CAMKK2: variants seen among roughly 807,000 people sequenced by gnomAD.
CAMKK2 encodes the protein calcium/calmodulin-dependent protein kinase kinase 2.
A neutral mutation model predicts 67.2 loss-of-function variants in CAMKK2; 30 were observed. That is an observed-to-expected ratio of 0.45 (90% CI 0.33 to 0.61). The LOEUF (loss-of-function observed/expected upper bound fraction) is 0.61. CAMKK2 is among the 20% of genes least tolerant of loss of function. CAMKK2 has a pLI of 0.02. For missense variants in CAMKK2, 643 were observed against 802.0 expected, an observed-to-expected ratio of 0.80 and a Z score of 2.39; for synonymous variants, 322 against 326.2, an observed-to-expected ratio of 0.99 and a Z score of 0.14.
chr12:121,255,501 G>A, intron 9 of CAMKK2, 49 bp downstream of exon 9: 1 of 1,496,858 alleles, frequency 6.7e-7, no homozygotes, highest in Non-Finnish European at 9.2e-7. Context: ...CCCACGCTCA[G>A]AATGCTAACT....
chr12:121,289,850 G>GCTA (rs541924097), intron 1 of CAMKK2, among the ~76,000 whole-genome samples: 2 of 148,708 alleles, frequency 1.3e-5, no homozygotes, highest in African/African-American at 5.1e-5. Flanking sequence ...CTGAGATCAT[G>GCTA]CTACTGCACT....
intron 1 of CAMKK2, among the ~76,000 whole-genome samples, chr12:121,284,732 AT>A (rs1282835637): frequency 1.3e-5 from 2 of 152,176 alleles, no homozygotes; most frequent in South Asian, 2.1e-4. Flanking sequence ...CTAACAAGGG[AT>A]TTGGGCAGGC....
chr12:121,242,194 G>A (rs1218834839), intron 16 of CAMKK2, among the ~76,000 whole-genome samples: 1 of 152,006 alleles, frequency 6.6e-6, no homozygotes, highest in Non-Finnish European at 1.5e-5. Flanking sequence ...AATTAGCTGG[G>A]CATGGTGGCA....
intron 1 of CAMKK2, among the ~76,000 whole-genome samples, chr12:121,278,238 CTACTT>C (rs1212724720): frequency 6.6e-6 from 1 of 152,166 alleles, no homozygotes; most frequent in Non-Finnish European, 1.5e-5. Context: ...CTAGCTGCTG[CTACTT>C]TACTTCTCCT....
intron 11 of CAMKK2, among the ~76,000 whole-genome samples, chr12:121,250,799 T>C (rs1337663019): frequency 6.6e-6 from 1 of 152,240 alleles, no homozygotes; most frequent in African/African-American, 2.4e-5. Flanking sequence ...TCAATAAATA[T>C]CTGCTGAATT....
At chr12:121,265,094 C>G (rs1894265174) in intron 5 of CAMKK2, among the ~76,000 whole-genome samples, 1 of 152,112 alleles carries the variant, frequency 6.6e-6, no homozygotes, top group South Asian at 2.1e-4. Context: ...GCACTCAGGC[C>G]ACCGCTTGAT....
intron 8 of CAMKK2, 64 bp from the exon 9 acceptor site, chr12:121,255,702 G>A: frequency 6.2e-7 from 1 of 1,605,788 alleles, no homozygotes; most frequent in Non-Finnish European, 8.5e-7. Flanking sequence ...TCTCTCATGA[G>A]CAGAGCCCAG....
chr12:121,292,842 A>T (rs1900340093), intron 1 of CAMKK2, among the ~76,000 whole-genome samples: 1 of 151,900 alleles, frequency 6.6e-6, no homozygotes, highest in African/African-American at 2.4e-5. Flanking sequence ...GGTGGCATGC[A>T]CCTGTAGTCT....
chr12:121,243,668 T>G (rs1888829546), intron 16 of CAMKK2: 2 of 171,480 alleles, frequency 1.2e-5, no homozygotes, highest in Non-Finnish European at 2.4e-5. Context: ...GGTGGGGGAG[T>G]TGGATGGGGA....
At chr12:121,273,925 G>A (rs1298947524) in intron 2 of CAMKK2, 131 bp downstream of exon 2, 29 of 702,054 alleles carry the variant, frequency 4.1e-5, no homozygotes, top group Non-Finnish European at 6.2e-5. Context: ...AAGGTTCCCT[G>A]GAGTCAACTC....
chr12:121,260,211 G>T, intron 7 of CAMKK2, 108 bp downstream of exon 7: 1 of 916,000 alleles, frequency 1.1e-6, no homozygotes. Flanking sequence ...GAAAGGGAAA[G>T]CTGTCTTTGG....
rs1283117666 is a variant in CAMKK2 at position 121,255,637 on chromosome 12, G to A, written c.820C>T (p.Pro274Ser). The change falls in exon 9 of 17, where the codon CCC becomes TCC. Residue 274 changes from proline to serine, a missense_variant and splice_region_variant. Pro to Ser is a moderately conservative substitution (Grantham distance 74). This residue lies in a region of CAMKK2 where 483 missense variants were observed against 625.8 expected (regional missense o/e 0.77). Coordinates refer to ENST00000404169, the MANE Select transcript of CAMKK2 (RefSeq NM_001270485.2). ...YMVFELVNQG[P>S]VMEVPTLKPL... ...TTGAGGGTGGGCACTTCCATCACGG[G>A]CCTGAAAGGTCGACACTCATGTGAA... The A allele has an allele frequency of 6.2e-7, 1 of 1,612,530 alleles. No homozygotes were observed. Among genetic ancestry groups the A allele is most frequent in the East Asian group, 2.2e-5 (1 of 44,806 alleles).
intron 6 of CAMKK2, among the ~76,000 whole-genome samples, chr12:121,261,726 C>T (rs1251952132): frequency 6.6e-6 from 1 of 152,246 alleles, no homozygotes; most frequent in East Asian, 1.9e-4. Context: ...CAAACAGAGG[C>T]TTCCAGCCCT....
At chr12:121,283,233 C>T (rs1248617028) in intron 1 of CAMKK2, among the ~76,000 whole-genome samples, 2 of 152,182 alleles carry the variant, frequency 1.3e-5, no homozygotes, top group Non-Finnish European at 2.9e-5. Context: ...GCTGCATCCA[C>T]GGAGGCGGTG....
chr12:121,262,419 G>A (rs1200862859), intron 6 of CAMKK2, among the ~76,000 whole-genome samples: 1 of 151,882 alleles, frequency 6.6e-6, no homozygotes, highest in African/African-American at 2.4e-5. Context: ...GGCTGACGCA[G>A]GAGAATCACT....
At chr12:121,247,529 A>C (rs1889739613) in intron 14 of CAMKK2, among the ~76,000 whole-genome samples, 1 of 152,178 alleles carries the variant, frequency 6.6e-6, no homozygotes, top group Admixed American at 6.5e-5. Context: ...CGGTGGGTGC[A>C]GAGTCCGACG....
chr12:121,243,914 C>T, intron 16 of CAMKK2: 2 of 1,416,288 alleles, frequency 1.4e-6, no homozygotes, highest in Non-Finnish European at 1.8e-6. Flanking sequence ...GCAGTGGGGT[C>T]CCCACCCACC....
At chr12:121,288,510 T>C (rs1315634211) in intron 1 of CAMKK2, among the ~76,000 whole-genome samples, 1 of 152,182 alleles carries the variant, frequency 6.6e-6, no homozygotes, top group Non-Finnish European at 1.5e-5. Flanking sequence ...GCCAGAAGCC[T>C]TGAAGGCAAT....
At chr12:121,259,377 T>C (rs1357649706) in intron 7 of CAMKK2, among the ~76,000 whole-genome samples, 2 of 152,202 alleles carry the variant, frequency 1.3e-5, no homozygotes, top group East Asian at 3.8e-4. Flanking sequence ...TTTTGAATGT[T>C]GTCCCTGATG....
Sources: gnomAD v4.1 joint callset for allele counts (sites outside exome capture counted in the v4.1 genomes callset) on GRCh38, gnomAD v4.1.1 for gene constraint, gnomAD v4.1.1 regional missense constraint, MANE v1.5 for transcripts, NCBI Gene and HGNC (gene_info 2026-07-23, HGNC 2026-07-21) for gene names.